The following FBXW8 variants were observed in gnomAD, a reference collection of about 807,000 sequenced individuals.
The protein encoded by FBXW8 is F-box and WD repeat domain containing 8, also known as F-box/WD repeat-containing protein 8.
A neutral mutation model predicts 65.3 loss-of-function variants in FBXW8; 57 were observed. That is an observed-to-expected ratio of 0.87 (90% CI 0.71 to 1.09). The LOEUF is 1.09. Among genes scored for constraint, FBXW8 ranks in the 50% least tolerant of loss-of-function variants. The pLI, the probability that FBXW8 is intolerant of heterozygous loss-of-function variation, is 0.00. For missense variants in FBXW8, 777 were observed against 814.8 expected, an observed-to-expected ratio of 0.95 and a Z score of 0.57; for synonymous variants, 308 against 330.2, an observed-to-expected ratio of 0.93 and a Z score of 0.73.
intron 7 of FBXW8, among the ~76,000 whole-genome samples, chr12:116,995,632 A>AGGAAGAAGGGCTG (rs1333707825): frequency 1.0e-3 from 159 of 152,164 alleles, no homozygotes; most frequent in Non-Finnish European, 1.8e-3. Context: ...ATGGTTTTTT[A>AGGAAGAAGGGCTG]CTTTTGGACA....
chr12:117,006,948 G>A (rs1031319985), intron 7 of FBXW8, among the ~76,000 whole-genome samples: 9 of 152,178 alleles, frequency 5.9e-5, no homozygotes, highest in South Asian at 2.1e-4. Flanking sequence ...GTATTGACAC[G>A]TAGGGAAAAG....
At chr12:117,012,256 G>C (rs1274285951) in intron 8 of FBXW8, among the ~76,000 whole-genome samples, 2 of 152,096 alleles carry the variant, frequency 1.3e-5, no homozygotes. Context: ...ATCTGACTAT[G>C]TTAAGTCCAT....
At chr12:116,959,250 G>A (rs533326918) in intron 4 of FBXW8, among the ~76,000 whole-genome samples, 1 of 152,194 alleles carries the variant, frequency 6.6e-6, no homozygotes, top group East Asian at 1.9e-4. Context: ...GTCAGGGGCT[G>A]TGTCCTGCAA....
chr12:116,940,186 A>G (rs1032855757), intron 2 of FBXW8, among the ~76,000 whole-genome samples: 33 of 151,860 alleles, frequency 2.2e-4, no homozygotes, highest in African/African-American at 7.7e-4. Flanking sequence ...GATCCGTGTC[A>G]GCCTGGGGGG....
Position 116,974,843 on chromosome 12 carries a change from G to A in FBXW8, c.835+9989G>A, listed in dbSNP as rs183662312. 4.2e-3 allele frequency among the ~76,000 whole-genome samples: 634 copies of A among 152,316 alleles called. 5 individuals carry two copies. Among genetic ancestry groups the A allele is most frequent in the South Asian group, 0.012 (59 of 4,828 alleles). ...TTCAATAAAAGGAACAAGGGCTAGG[G>A]CAGATAAATACAAGATGAATCTGGA... On this transcript the variant is annotated intron_variant, in intron 5 of 10. Coordinates refer to ENST00000652555, the MANE Select transcript of FBXW8 (RefSeq NM_153348.3).
At chr12:116,972,756 G>A (rs1215517247) in intron 5 of FBXW8, among the ~76,000 whole-genome samples, 1 of 152,150 alleles carries the variant, frequency 6.6e-6, no homozygotes, top group Non-Finnish European at 1.5e-5. Context: ...GCATCGGTGT[G>A]GAATTTATGG....
At position 116,992,595 on chromosome 12, in the gene FBXW8, C is replaced by G. The variant is rs148481985; in HGVS notation, c.1239+3726C>G. Among the ~76,000 whole-genome samples the G allele has an allele frequency of 3.0e-3, 460 of 152,190 alleles. 3 individuals are homozygous for G. The highest frequency in any genetic ancestry group is 0.011 in the African/African-American group (438 of 41,516). On this transcript the variant is annotated intron_variant, in intron 7 of 10. Coordinates refer to ENST00000652555, the MANE Select transcript of FBXW8 (RefSeq NM_153348.3). ...GAGTCTCTAGGGTCCTCCAATACCACTCTGTGCCTCTGCATACCCATAGCT... is the reference window on the plus strand; with the variant it reads ...GAGTCTCTAGGGTCCTCCAATACCAGTCTGTGCCTCTGCATACCCATAGCT...
At chr12:116,915,023 C>A (rs558823891) in intron 1 of FBXW8, among the ~76,000 whole-genome samples, 1 of 152,248 alleles carries the variant, frequency 6.6e-6, no homozygotes, top group African/African-American at 2.4e-5. Flanking sequence ...CAACAACTCT[C>A]TCCAGTGGCT....
chr12:116,914,729 G>C (rs1352146943), intron 1 of FBXW8, among the ~76,000 whole-genome samples: 1 of 152,014 alleles, frequency 6.6e-6, no homozygotes, highest in Non-Finnish European at 1.5e-5. Flanking sequence ...TACAAAATTA[G>C]CCAGGCATGG....
At position 116,911,288 on chromosome 12, in the gene FBXW8, G is replaced by T. The variant is rs982899113; in HGVS notation, c.251G>T (p.Arg84Leu). Residue 84 changes from arginine (R) to leucine (L), a missense_variant, in exon 1 of 11, where the codon CGT becomes CTT. Coordinates refer to ENST00000652555, the MANE Select transcript of FBXW8 (RefSeq NM_153348.3). ...GGGCAGGACGTAGCGAGCCGCTCAC[G>T]TTCTCCTCTGGCCCGCGAGGGCGCC... ...AEGQDVASRS[R>L]SPLAREGAGG... The T allele has an allele frequency of 1.6e-6, 2 of 1,270,424 alleles. No individual in the cohort carries two copies. The highest frequency in any genetic ancestry group is 2.0e-6 in the Non-Finnish European group (2 of 1,011,592). 78.7% of individuals were successfully genotyped at this position (1,270,424 alleles called of 1,614,324 possible). A position where few individuals can be genotyped will look rare whatever the true frequency, so the allele number is the denominator to read the frequency against.
In FBXW8 at chr12:117,024,274, G is replaced by T; in HGVS notation, c.1495G>T (p.Val499Leu). The change falls in exon 9 of 11, where the codon GTG becomes TTG. Residue 499 changes from valine (V) to leucine (L), a missense_variant. Coordinates refer to ENST00000652555, the MANE Select transcript of FBXW8 (RefSeq NM_153348.3). ...TGGAGGCGAGGAAGGCCTGGTGTCC[G>T]TGTGGGATTATCGGATGAACCAGAA... is the stretch of plus-strand genomic sequence containing the variant. Reference protein sequence around the residue: ...VSGGEEGLVSVWDYRMNQKLW... With the variant: ...VSGGEEGLVSLWDYRMNQKLW... 6.2e-7 allele frequency: 1 copy of T among 1,614,200 alleles called. No individual in the cohort carries two copies. The highest frequency in any genetic ancestry group is 1.6e-4 in the Middle Eastern group (1 of 6,062).
Position 116,936,772 on chromosome 12 carries a change from AC to A in FBXW8, c.424-8591del, listed in dbSNP as rs1409232000. 6.6e-6 allele frequency among the ~76,000 whole-genome samples: 1 copy of A among 152,166 alleles called. No individual in the cohort carries two copies. The highest frequency in any genetic ancestry group is 1.5e-5 in the Non-Finnish European group (1 of 68,042). ...GTTAGCGCAGCCATAGGAGACTGAT[AC>A]GGGGATGTGGTGAGCAGAAGGATAA... On this transcript the variant is annotated intron_variant, in intron 2 of 10. Transcript: ENST00000652555. This position sits in a 1 kb window ranked among gnomAD's most constrained non-coding sequence, Gnocchi z 4.6.
At chr12:117,001,112 T>A (rs1301534466) in intron 7 of FBXW8, among the ~76,000 whole-genome samples, 1 of 152,248 alleles carries the variant, frequency 6.6e-6, no homozygotes. Context: ...AGGCATGTCC[T>A]GGGTATTACA....
At chr12:116,913,118 C>T (rs572436686) in intron 1 of FBXW8, among the ~76,000 whole-genome samples, 88 of 152,300 alleles carry the variant, frequency 5.8e-4, no homozygotes, top group African/African-American at 2.1e-3. Flanking sequence ...GGGCCCTCCC[C>T]AGACCTGCTA....
rs934954326 is a variant in FBXW8 at position 116,936,685 on chromosome 12, G to A, written c.423+8558G>A. Among the ~76,000 whole-genome samples the A allele has an allele frequency of 9.2e-5, 14 of 152,156 alleles. No individual in the cohort carries two copies. Among genetic ancestry groups the A allele is most frequent in the African/African-American group, 3.4e-4 (14 of 41,414 alleles). On this transcript the variant is annotated intron_variant, in intron 2 of 10. Transcript: ENST00000652555. The surrounding 1 kb of genome is among the most constrained non-coding windows in gnomAD (Gnocchi z 4.6). ...CCCACACCTTGCTTTTACACTTCTGGTCTCCGGAACTATAAGCGAATAAAT... is the reference window on the plus strand; with the variant it reads ...CCCACACCTTGCTTTTACACTTCTGATCTCCGGAACTATAAGCGAATAAAT...
chr12:117,001,892 T>G (rs1432116461), intron 7 of FBXW8, among the ~76,000 whole-genome samples: 2 of 152,174 alleles, frequency 1.3e-5, no homozygotes, highest in Non-Finnish European at 2.9e-5. Flanking sequence ...GAGACAAAAA[T>G]GATCCCAAAG....
intron 1 of FBXW8, among the ~76,000 whole-genome samples, chr12:116,916,007 G>A (rs929306797): frequency 6.6e-5 from 10 of 152,092 alleles, no homozygotes; most frequent in Non-Finnish European, 1.5e-4. Context: ...TATATTAAGT[G>A]GAGTCAAACA....
At chr12:117,004,362 TA>T (rs1953625529) in intron 7 of FBXW8, among the ~76,000 whole-genome samples, 1 of 152,224 alleles carries the variant, frequency 6.6e-6, no homozygotes, top group South Asian at 2.1e-4. Context: ...CTGTCTCACA[TA>T]TGATATATCA....
At chr12:116,966,466 G>A (rs1884332669) in intron 5 of FBXW8, among the ~76,000 whole-genome samples, 1 of 152,192 alleles carries the variant, frequency 6.6e-6, no homozygotes, top group Non-Finnish European at 1.5e-5. Flanking sequence ...ATCCAGAACT[G>A]TGATTGTGTC....
Sources: allele counts gnomAD v4.1 joint callset (sites outside exome capture counted in the v4.1 genomes callset), GRCh38; gene constraint gnomAD v4.1.1; non-coding constraint Gnocchi (gnomAD v3.1); transcripts MANE v1.5; gene names NCBI Gene and HGNC (gene_info 2026-07-23, HGNC 2026-07-21).